Variants in GAREM1 observed in about 807,000 individuals in gnomAD.
GAREM1 encodes the protein GRB2 associated regulator of MAPK1 subtype 1.
A neutral mutation model predicts 71.3 loss-of-function variants in GAREM1; 26 were observed. The ratio of observed to expected loss-of-function variants is 0.36; its 90% confidence interval spans 0.27 to 0.51. The LOEUF is 0.51. Among genes scored for constraint, GAREM1 ranks in the 20% least tolerant of loss-of-function variants. The probability of loss-of-function intolerance (pLI) is 0.95; values close to 1 mark genes in which losing one functional copy is unlikely to be tolerated. For synonymous variants in GAREM1, 440 were observed against 433.2 expected (o/e 1.02, Z -0.20); for missense variants, 1,026 against 1,103.1 (o/e 0.93, Z 0.99).
chr18:32,317,728 T>C (rs1392245609), intron 2 of GAREM1, among the ~76,000 whole-genome samples: 22 of 149,848 alleles, frequency 1.5e-4, no homozygotes, highest in Non-Finnish European at 2.8e-4. Flanking sequence ...TGTAACATTC[T>C]CAGATTAGCC....
chr18:32,330,196 T>C (rs2047518195), intron 2 of GAREM1, among the ~76,000 whole-genome samples: 1 of 152,170 alleles, frequency 6.6e-6, no homozygotes, highest in South Asian at 2.1e-4. Flanking sequence ...ACAAATCATG[T>C]CTTTTGCAGC....
intron 1 of GAREM1, among the ~76,000 whole-genome samples, chr18:32,458,520 A>G (rs984124812): frequency 1.3e-5 from 2 of 152,112 alleles, no homozygotes; most frequent in African/African-American, 4.8e-5. Flanking sequence ...ATACTTATGA[A>G]CATTGACTGC....
At chr18:32,454,021 A>G (rs1378541484) in intron 1 of GAREM1, among the ~76,000 whole-genome samples, 1 of 152,146 alleles carries the variant, frequency 6.6e-6, no homozygotes, top group East Asian at 1.9e-4. Flanking sequence ...TAAAGTTGGA[A>G]AACGTAATAT....
chr18:32,268,686 C>T lies in GAREM1; in HGVS notation c.1816G>A (p.Val606Met), dbSNP rs2041412936. Reference protein sequence around the residue: ...YPCNRVKTDSVDLKSPFGSPS... With the variant: ...YPCNRVKTDSMDLKSPFGSPS... ...CTTCCAAACGGGGATTTCAGGTCCA[C>T]AGAATCAGTTTTCACTCGGTTACAT... Residue 606 changes from valine to methionine, a missense_variant, in exon 6 of 6, where the codon GTG becomes ATG. Transcript: ENST00000269209. 1 of 1,614,104 alleles carries T rather than the reference C, an allele frequency of 6.2e-7. No individual in the cohort carries two copies. The highest frequency in any genetic ancestry group is 1.1e-5 in the South Asian group (1 of 91,082).
intron 2 of GAREM1, among the ~76,000 whole-genome samples, chr18:32,312,900 T>A (rs1263373551): frequency 6.6e-6 from 1 of 152,166 alleles, no homozygotes; most frequent in African/African-American, 2.4e-5. Context: ...AGCTTCCAAT[T>A]TTTCCAGCCA....
intron 4 of GAREM1, among the ~76,000 whole-genome samples, chr18:32,275,127 C>T (rs1016764734): frequency 4.6e-5 from 7 of 152,032 alleles, no homozygotes; most frequent in Admixed American, 4.6e-4. Flanking sequence ...CACATATGAC[C>T]ACCACCAACT....
chr18:32,393,575 A>G lies in GAREM1; in HGVS notation c.122-540T>C, dbSNP rs183143303. 3.2e-4 allele frequency among the ~76,000 whole-genome samples: 48 copies of G among 152,318 alleles called. 1 individual carries two copies. The highest frequency in any genetic ancestry group is 1.1e-3 in the African/African-American group (46 of 41,580). ...ATCACCACAATAAAGCTACAAAAAT[A>G]AATAATCTTATCTCTGTTGAAAGAG... On this transcript the variant is annotated intron_variant, in intron 1 of 5. Coordinates refer to ENST00000269209, the MANE Select transcript of GAREM1 (RefSeq NM_001242409.2).
At chr18:32,380,454 C>A (rs996263896) in intron 2 of GAREM1, among the ~76,000 whole-genome samples, 1 of 121,594 alleles carries the variant, frequency 8.2e-6, no homozygotes, top group African/African-American at 3.2e-5. Flanking sequence ...CCAGCCTGGG[C>A]GACAGAGTGA....
intron 4 of GAREM1, 73 bp from the exon 5 acceptor site, chr18:32,270,456 A>C (rs1214577388): frequency 7.4e-7 from 1 of 1,344,862 alleles, no homozygotes; most frequent in Non-Finnish European, 1.0e-6. Flanking sequence ...AATCCTGAAG[A>C]CTTGCTCAAG....
chr18:32,273,735 A>AAGAG (rs141502703), intron 4 of GAREM1, among the ~76,000 whole-genome samples: 366 of 151,080 alleles, frequency 2.4e-3, no homozygotes, highest in African/African-American at 7.9e-3. Context: ...GAGAGAAAGA[A>AAGAG]AGAGAGAGAG....
chr18:32,279,414 T>C (rs571481931), intron 4 of GAREM1, among the ~76,000 whole-genome samples: 1 of 152,284 alleles, frequency 6.6e-6, no homozygotes, highest in African/African-American at 2.4e-5. Context: ...AGCATTAGAT[T>C]CTCATAGGAG....
chr18:32,329,701 A>AT (rs1358557614), intron 2 of GAREM1, among the ~76,000 whole-genome samples: 6 of 136,634 alleles, frequency 4.4e-5, no homozygotes, highest in Admixed American at 4.4e-4. Flanking sequence ...GCGAGACTCC[A>AT]TTAAAAAAAA....
intron 4 of GAREM1, among the ~76,000 whole-genome samples, chr18:32,273,339 T>C (rs978062954): frequency 3.9e-5 from 6 of 152,222 alleles, no homozygotes; most frequent in Admixed American, 2.6e-4. Context: ...ATATGCATTT[T>C]AATTTACAAT....
intron 3 of GAREM1, among the ~76,000 whole-genome samples, chr18:32,299,149 GA>G (rs767788803): frequency 2.4e-4 from 37 of 152,026 alleles, no homozygotes; most frequent in Admixed American, 9.8e-4. Flanking sequence ...ATTCTGAATG[GA>G]TCTCGAAAAT....
intron 2 of GAREM1, among the ~76,000 whole-genome samples, chr18:32,336,513 C>T (rs2047597451): frequency 6.6e-6 from 1 of 151,798 alleles, no homozygotes; most frequent in Non-Finnish European, 1.5e-5. Context: ...TCTATAAGTA[C>T]TTACCAAATT....
chr18:32,344,052 C>T (rs1049697848), intron 2 of GAREM1, among the ~76,000 whole-genome samples: 3 of 152,288 alleles, frequency 2.0e-5, no homozygotes, highest in African/African-American at 7.2e-5. Context: ...GTATCCTATT[C>T]TGGTCTCCTC....
At chr18:32,450,045 C>A (rs1484988799) in intron 1 of GAREM1, among the ~76,000 whole-genome samples, 1 of 152,170 alleles carries the variant, frequency 6.6e-6, no homozygotes, top group Non-Finnish European at 1.5e-5. Context: ...CATTAACTAC[C>A]TCCCTTTGCC....
rs200881861 is a variant in GAREM1, at chr18:32,268,509, A to G, written c.1993T>C (p.Cys665Arg). 1 of 1,614,046 alleles carries G rather than the reference A, an allele frequency of 6.2e-7. No homozygotes were observed. Among genetic ancestry groups the G allele is most frequent in the African/African-American group, 1.3e-5 (1 of 74,924 alleles). The change falls in exon 6 of 6, where the codon TGC (cysteine) becomes CGC (arginine). Residue 665 changes from cysteine (C) to arginine (R), a missense_variant. Around this residue, in one of 3 missense-constraint regions of GAREM1, gnomAD observed 636 missense variants for 631.2 expected, o/e 1.01. Transcript: ENST00000269209. ...QKTPGTPKRNCPAPFDFDGCE... is the reference protein window; with the variant it reads ...QKTPGTPKRNRPAPFDFDGCE... ...CCATCAAAATCAAAAGGTGCTGGGC[A>G]GTTTCTCTTTGGTGTGCCTGGCGTC...
In GAREM1 at chr18:32,470,200, G is replaced by T; in HGVS notation, c.121+108C>A. 1 of 1,255,766 alleles carries T rather than the reference G, an allele frequency of 8.0e-7. No homozygotes were observed. Among genetic ancestry groups the T allele is most frequent in the Non-Finnish European group, 1.0e-6 (1 of 990,808 alleles). The allele number at this position is 1,255,766 out of a possible 1,614,324, so 77.8% of individuals were successfully genotyped here. On this transcript the variant is annotated intron_variant, in intron 1 of 5. Transcript: ENST00000269209. The surrounding 1 kb of genome is among the most constrained non-coding windows in gnomAD (Gnocchi z 4.4). ...CTCGGGCCAACTCCGGCGCTCAGGG[G>T]CGGGCAGCCCACTCCCCGCGGGTCC...
Sources: gnomAD v4.1 joint callset for allele counts (sites outside exome capture counted in the v4.1 genomes callset) on GRCh38, gnomAD v4.1.1 for gene constraint, gnomAD v4.1.1 regional missense constraint, Gnocchi (gnomAD v3.1) non-coding constraint, MANE v1.5 for transcripts, NCBI Gene and HGNC (gene_info 2026-07-23, HGNC 2026-07-21) for gene names.